The following INIP variants were observed in gnomAD, a reference collection of about 807,000 sequenced individuals.
INIP encodes the protein SOSS complex subunit C.
A neutral mutation model predicts 14.0 loss-of-function variants in INIP; 9 were observed. That is an observed-to-expected ratio of 0.64 (90% CI 0.39 to 1.12). INIP has a LOEUF of 1.12. Ranked by LOEUF, INIP falls within the 50% of genes most tolerant of loss-of-function variation. The probability of loss-of-function intolerance (pLI) is 0.01; values close to 1 mark genes in which losing one functional copy is unlikely to be tolerated. For synonymous variants in INIP, 37 were observed against 41.5 expected (o/e 0.89, Z 0.41); for missense variants, 78 against 122.7 (o/e 0.64, Z 1.72).
At chr9:112,702,069 T>C (rs1023453406) in intron 2 of INIP, among the ~76,000 whole-genome samples, 1 of 151,764 alleles carries the variant, frequency 6.6e-6, no homozygotes, top group Non-Finnish European at 1.5e-5. Flanking sequence ...CTCAAAAATA[T>C]ATATATACAC....
At chr9:112,699,767 G>A (rs10817370) in intron 2 of INIP, among the ~76,000 whole-genome samples, 1 of 152,026 alleles carries the variant, frequency 6.6e-6, no homozygotes, top group East Asian at 1.9e-4. Flanking sequence ...CGCTATCCAT[G>A]AGAAATTTCA....
At chr9:112,689,773 A>G (rs1837813987) in intron 3 of INIP, among the ~76,000 whole-genome samples, 156 bp from the exon 4 acceptor site, 2 of 152,088 alleles carry the variant, frequency 1.3e-5, no homozygotes, top group African/African-American at 4.8e-5. Flanking sequence ...TAGTATTTGT[A>G]TTTGTTGTGA....
intron 2 of INIP, among the ~76,000 whole-genome samples, chr9:112,699,808 G>A (rs926563218): frequency 2.6e-5 from 4 of 152,078 alleles, no homozygotes; most frequent in African/African-American, 4.8e-5. Context: ...TGGTATCAAT[G>A]ACTTGGTCAG....
chr9:112,711,015 C>T (rs1588087955), intron 2 of INIP, among the ~76,000 whole-genome samples: 1 of 146,110 alleles, frequency 6.8e-6, no homozygotes, highest in Non-Finnish European at 1.5e-5. Context: ...CCTGTTTCTA[C>T]AGGAAAAAAA....
rs1342533643 is a variant in INIP, at chr9:112,713,724, C to T, written c.25+2737G>A. Among the ~76,000 whole-genome samples the T allele has an allele frequency of 3.3e-5, 5 of 152,132 alleles. No homozygotes were observed. The South Asian group carries it at 1.0e-3, about 32-fold the overall frequency. On this transcript the variant is annotated intron_variant, in intron 2 of 4. Coordinates refer to ENST00000374242, the MANE Select transcript of INIP (RefSeq NM_021218.3). Reference sequence around the variant, plus strand: ...AGGTATCTGAGGCCGGGCACAGTGGCTCATGCCTGTAATTCCAGCACTTTG... The same window carrying T: ...AGGTATCTGAGGCCGGGCACAGTGGTTCATGCCTGTAATTCCAGCACTTTG...
Position 112,702,139 on chromosome 9 carries a change from A to T in INIP, c.26-7906T>A, listed in dbSNP as rs968986931. ...AAATTTTAAACTCTGATAATGTCTA[A>T]ATTTTGTCATGAGCAAAGTAAATGG... On this transcript the variant is annotated intron_variant, in intron 2 of 4. Transcript: ENST00000374242. 5.3e-5 allele frequency among the ~76,000 whole-genome samples: 8 copies of T among 152,142 alleles called. 1 individual carries two copies. The highest frequency in any genetic ancestry group is 1.9e-4 in the African/African-American group (8 of 41,416).
chr9:112,716,747 C>T (rs1207534730), intron 1 of INIP, among the ~76,000 whole-genome samples: 1 of 151,790 alleles, frequency 6.6e-6, no homozygotes, highest in Non-Finnish European at 1.5e-5. Flanking sequence ...CAGATCGAGA[C>T]CATCCTGGCT....
intron 2 of INIP, among the ~76,000 whole-genome samples, chr9:112,714,473 T>C (rs1370508800): frequency 2.0e-5 from 3 of 152,240 alleles, no homozygotes; most frequent in Admixed American, 1.3e-4. Flanking sequence ...TAAAAACTCC[T>C]TGATAGCAGC....
rs1194911436 is a variant in INIP, at chr9:112,705,110, C to CAAAA, written c.26-10881_26-10878dup. ...TGGGTAACAGAGTGAGACCCTGTCT[C>CAAAA]AAAAAAAAAAAAAAAAAAAAAAAAG... is the stretch of plus-strand genomic sequence containing the variant. On this transcript the variant is annotated intron_variant, in intron 2 of 4. Coordinates refer to ENST00000374242, the MANE Select transcript of INIP (RefSeq NM_021218.3). 2.6e-4 allele frequency among the ~76,000 whole-genome samples: 12 copies of CAAAA among 46,010 alleles called. 1 individual carries two copies. Among genetic ancestry groups the CAAAA allele is most frequent in the African/African-American group, 7.4e-4 (8 of 10,818 alleles). 30.2% of individuals were successfully genotyped at this position (46,010 alleles called of 152,430 possible). A position where few individuals can be genotyped will look rare whatever the true frequency, so the allele number is the denominator to read the frequency against.
intron 4 of INIP, among the ~76,000 whole-genome samples, chr9:112,688,921 A>G (rs918915791): frequency 1.3e-5 from 2 of 152,092 alleles, no homozygotes; most frequent in Non-Finnish European, 2.9e-5. Context: ...CTAAGGTTTA[A>G]AAATACAAGT....
rs1324655975 is a variant in INIP at position 112,684,779 on chromosome 9, G to A, written c.*2759C>T. The A allele has an allele frequency of 6.6e-6, 1 of 151,550 alleles. No individual in the cohort carries two copies. Among genetic ancestry groups the A allele is most frequent in the African/African-American group, 2.4e-5 (1 of 40,868 alleles). 9.4% of individuals were successfully genotyped at this position (151,550 alleles called of 1,614,324 possible). ...ACTAGTCTAGACAATTTCTGACATG[G>A]GCAGAGCATGTGCTTGTTCTCACCT... On this transcript the variant is annotated 3_prime_UTR_variant, in exon 5 of 5. Transcript: ENST00000374242.
intron 2 of INIP, among the ~76,000 whole-genome samples, chr9:112,700,330 C>T (rs76631231): frequency 0.015 from 2,205 of 152,022 alleles, 57 homozygotes; most frequent in African/African-American, 0.051. Context: ...ATAGGTAGTT[C>T]TGTGTTTGCT....
At chr9:112,710,458 C>T (rs549574240) in intron 2 of INIP, among the ~76,000 whole-genome samples, 2 of 152,308 alleles carry the variant, frequency 1.3e-5, no homozygotes, top group East Asian at 3.9e-4. Flanking sequence ...TAATGAAAGA[C>T]TCTGTGCTGC....
chr9:112,696,145 G>A (rs1838086302), intron 2 of INIP, among the ~76,000 whole-genome samples: 1 of 152,072 alleles, frequency 6.6e-6, no homozygotes, highest in African/African-American at 2.4e-5. Context: ...TCCCACCTTA[G>A]TCTCACAAAG....
chr9:112,697,537 C>T (rs1180500685), intron 2 of INIP, among the ~76,000 whole-genome samples: 5 of 152,026 alleles, frequency 3.3e-5, no homozygotes, highest in Non-Finnish European at 5.9e-5. Flanking sequence ...GAGCCATGAT[C>T]GTGCCTTTAA....
intron 2 of INIP, among the ~76,000 whole-genome samples, chr9:112,706,813 C>G (rs1838486054): frequency 6.6e-6 from 1 of 152,028 alleles, no homozygotes; most frequent in African/African-American, 2.4e-5. Flanking sequence ...GCTGTGTTGC[C>G]CAGGCTGGTC....
chr9:112,689,306 A>G (rs975813971), intron 4 of INIP, among the ~76,000 whole-genome samples: 3 of 152,212 alleles, frequency 2.0e-5, no homozygotes, highest in Non-Finnish European at 2.9e-5. Flanking sequence ...GTAGAAGCAC[A>G]GAATCAATCA....
intron 2 of INIP, among the ~76,000 whole-genome samples, chr9:112,695,788 G>T (rs1564227338): frequency 6.9e-6 from 1 of 144,268 alleles, no homozygotes; most frequent in African/African-American, 2.5e-5. Flanking sequence ...GAGGGGGAGG[G>T]GGAGGGGGAG....
intron 2 of INIP, among the ~76,000 whole-genome samples, chr9:112,695,987 G>A (rs935814957): frequency 3.3e-5 from 5 of 151,650 alleles, no homozygotes; most frequent in African/African-American, 1.2e-4. Context: ...TCCTGGGCTC[G>A]AGCGATCCTC....
Sources: allele counts gnomAD v4.1 joint callset (sites outside exome capture counted in the v4.1 genomes callset), GRCh38; gene constraint gnomAD v4.1.1; transcripts MANE v1.5; gene names NCBI Gene and HGNC (gene_info 2026-07-23, HGNC 2026-07-21).